HABP4: variants seen among roughly 807,000 people sequenced by gnomAD.
HABP4 encodes intracellular hyaluronan-binding protein 4.
HABP4 carries 32 observed loss-of-function variants against 44.1 expected under a neutral mutation model. The ratio of observed to expected loss-of-function variants is 0.73; its 90% CI spans 0.55 to 0.97. The LOEUF (loss-of-function observed/expected upper bound fraction) is 0.97. Ranked by LOEUF, HABP4 falls within the 50% of genes least tolerant of loss-of-function variation. The pLI is 0.00. For synonymous variants in HABP4, 216 were observed against 218.0 expected (o/e 0.99, Z 0.08); for missense variants, 503 against 561.9 (o/e 0.90, Z 1.06).
At chr9:96,454,841 G>A (rs1044625727) in intron 1 of HABP4, among the ~76,000 whole-genome samples, 2 of 152,204 alleles carry the variant, frequency 1.3e-5, no homozygotes, top group Non-Finnish European at 2.9e-5. Flanking sequence ...AGTGGGGGCT[G>A]CGTGGTGGCT....
intron 2 of HABP4, among the ~76,000 whole-genome samples, chr9:96,464,097 C>G (rs972072499): frequency 2.6e-5 from 4 of 152,062 alleles, no homozygotes; most frequent in African/African-American, 9.7e-5. Context: ...GGTCCAGGCT[C>G]TGATGTGGCA....
chr9:96,480,888 G>A (rs779957533), intron 5 of HABP4, among the ~76,000 whole-genome samples: 5 of 152,092 alleles, frequency 3.3e-5, no homozygotes, highest in African/African-American at 4.8e-5. Flanking sequence ...TTGCTTTGAT[G>A]TTTTTTCTAC....
intron 5 of HABP4, among the ~76,000 whole-genome samples, chr9:96,474,916 T>G (rs1832757012): frequency 6.6e-6 from 1 of 152,130 alleles, no homozygotes; most frequent in Non-Finnish European, 1.5e-5. Flanking sequence ...CAAAGTGCAC[T>G]TCCATTTTCC....
chr9:96,455,212 A>G (rs1832352711), intron 1 of HABP4, among the ~76,000 whole-genome samples: 1 of 152,082 alleles, frequency 6.6e-6, no homozygotes, highest in Admixed American at 6.6e-5. Context: ...GCACTTTGGC[A>G]GGTCGAGGCA....
At chr9:96,478,347 G>A (rs1410351015) in intron 5 of HABP4, among the ~76,000 whole-genome samples, 1 of 152,130 alleles carries the variant, frequency 6.6e-6, no homozygotes. Context: ...TGGCCAGGCT[G>A]GTCTCGAACT....
intron 5 of HABP4, among the ~76,000 whole-genome samples, chr9:96,482,361 T>A (rs907079559): frequency 1.3e-5 from 2 of 152,228 alleles, no homozygotes; most frequent in African/African-American, 2.4e-5. Flanking sequence ...TCTAGGTGCC[T>A]CATCTAAGTG....
At chr9:96,466,583 A>G (rs1030936890) in intron 4 of HABP4, among the ~76,000 whole-genome samples, 25 of 152,148 alleles carry the variant, frequency 1.6e-4, no homozygotes, top group Admixed American at 3.3e-4. Context: ...TTTACCTTTC[A>G]AAGTTCATGT....
rs763960503 is a variant in HABP4, at chr9:96,488,320, A to C, written c.1185+46A>C. ...TTTGGCGAAAGAAGTTAATAAGGAC[A>C]GTGCCCTGGGCCCAGGATGGTCTAA... On this transcript the variant is annotated intron_variant, in intron 7 of 7. Transcript: ENST00000375249. The surrounding 1 kb of genome is among the most constrained non-coding windows in gnomAD (Gnocchi z 4.6). The C allele has an allele frequency of 2.2e-6, 3 of 1,359,780 alleles. No homozygotes were observed. In the African/African-American group the frequency reaches 4.3e-5, roughly 19 times the overall value. The allele number at this position is 1,359,780 out of a possible 1,614,324, so 84.2% of individuals were successfully genotyped here. A position where few individuals can be genotyped will look rare whatever the true frequency, so the allele number is the denominator to read the frequency against.
chr9:96,459,484 T>C (rs4742965), intron 2 of HABP4, among the ~76,000 whole-genome samples: 118,932 of 152,126 alleles, frequency 0.78, 47,632 homozygotes, highest in East Asian at 0.96. Context: ...GTGTCTTATG[T>C]TTGGCACTTG....
chr9:96,482,060 T>C (rs772183454), intron 5 of HABP4, among the ~76,000 whole-genome samples: 12 of 151,762 alleles, frequency 7.9e-5, no homozygotes, highest in Non-Finnish European at 1.0e-4. Context: ...CTCAGCCTCC[T>C]GAGTAGCTGG....
At position 96,474,584 on chromosome 9, in the gene HABP4, T is replaced by C. The variant is rs373287550; in HGVS notation, c.827+3490T>C. On this transcript the variant is annotated intron_variant, in intron 5 of 7. Coordinates refer to ENST00000375249, the MANE Select transcript of HABP4 (RefSeq NM_014282.4). ...GACCTGGGGGGAAAGTGAGCATCTA[T>C]TTGGAATTGCAAGTGCAATGCAGGT... Among the ~76,000 whole-genome samples, 14 of 152,306 alleles carry C rather than the reference T, an allele frequency of 9.2e-5. 2 individuals are homozygous for C. Among genetic ancestry groups the C allele is most frequent in the Admixed American group, 3.9e-4 (6 of 15,300 alleles).
rs1371457328 is a variant in HABP4 at position 96,456,719 on chromosome 9, C to T, written c.350-1660C>T. 4.5e-5 allele frequency among the ~76,000 whole-genome samples: 6 copies of T among 133,784 alleles called. No individual in the cohort carries two copies. In the South Asian group the frequency reaches 7.2e-4, roughly 16 times the overall value. 87.8% of individuals were successfully genotyped at this position (133,784 alleles called of 152,430 possible). A position where few individuals can be genotyped will look rare whatever the true frequency, so the allele number is the denominator to read the frequency against. On this transcript the variant is annotated intron_variant, in intron 1 of 7. Transcript: ENST00000375249. ...TGCTTGCAGTGAGCCGAGATGGCGC[C>T]GCTGTACTCCAGCCTGGGCAACAGA...
chr9:96,451,952 G>A (rs1322083763), intron 1 of HABP4, among the ~76,000 whole-genome samples: 1 of 152,162 alleles, frequency 6.6e-6, no homozygotes, highest in Non-Finnish European at 1.5e-5. Context: ...AAAATGCCGG[G>A]TGTGGTGGCT....
intron 4 of HABP4, 41 bp downstream of exon 4, chr9:96,465,819 G>T: frequency 9.5e-7 from 1 of 1,053,678 alleles, no homozygotes; most frequent in Non-Finnish European, 1.5e-6. Context: ...CTGCAATTAA[G>T]TGGAAATCTC....
At chr9:96,487,983 CCT>C (rs761386241) in intron 6 of HABP4, 104 bp from the exon 7 acceptor site, 13 of 783,164 alleles carry the variant, frequency 1.7e-5, no homozygotes, top group Non-Finnish European at 2.7e-5. Context: ...CTGACTAGCC[CCT>C]GATGGTGTTT....
chr9:96,483,289 G>A (rs928346561), intron 5 of HABP4: 33 of 151,896 alleles, frequency 2.2e-4, no homozygotes, highest in African/African-American at 8.0e-4. Context: ...CTGGAAAAAT[G>A]TTCACTCAGA....
At chr9:96,484,847 G>A (rs1359348005) in intron 6 of HABP4, among the ~76,000 whole-genome samples, 4 of 152,136 alleles carry the variant, frequency 2.6e-5, no homozygotes, top group Non-Finnish European at 5.9e-5. Context: ...CAGTTAGAGT[G>A]ACAGTGCATC....
At chr9:96,462,514 G>A (rs144277720) in intron 2 of HABP4, among the ~76,000 whole-genome samples, 1 of 151,964 alleles carries the variant, frequency 6.6e-6, no homozygotes, top group African/African-American at 2.4e-5. Context: ...TGAGGAGGCT[G>A]AGGCATGAGA....
At chr9:96,461,569 G>A (rs1278478768) in intron 2 of HABP4, among the ~76,000 whole-genome samples, 2 of 151,930 alleles carry the variant, frequency 1.3e-5, no homozygotes, top group Admixed American at 6.6e-5. Flanking sequence ...TAATCCCAGC[G>A]CCGTTTATGA....
Sources: allele counts gnomAD v4.1 joint callset (sites outside exome capture counted in the v4.1 genomes callset), GRCh38; gene constraint gnomAD v4.1.1; non-coding constraint Gnocchi (gnomAD v3.1); transcripts MANE v1.5; gene names NCBI Gene and HGNC (gene_info 2026-07-23, HGNC 2026-07-21).